Variants in MED24 observed in about 807,000 individuals in gnomAD.
MED24 encodes the protein mediator of RNA polymerase II transcription subunit 24.
A neutral mutation model predicts 118.8 loss-of-function variants in MED24; 74 were observed. That is an observed-to-expected ratio of 0.62 (90% confidence interval 0.52 to 0.76). The LOEUF (loss-of-function observed/expected upper bound fraction) is 0.76, where lower values mean the gene tolerates loss of function less well. Among genes scored for constraint, MED24 ranks in the 30% least tolerant of loss-of-function variants. The pLI is 0.00. For synonymous variants in MED24, 521 were observed against 523.9 expected (o/e 0.99, Z 0.08); for missense variants, 1,041 against 1,278.9 (o/e 0.81, Z 2.84).
At chr17:40,040,298 C>T (rs535082131) in intron 3 of MED24, among the ~76,000 whole-genome samples, 4 of 151,586 alleles carry the variant, frequency 2.6e-5, no homozygotes, top group Admixed American at 2.6e-4. Context: ...AGGCTGGTCT[C>T]GAACTCCTGA....
chr17:40,023,026 AC>A (rs1982222662), intron 20 of MED24, 104 bp downstream of exon 20: 2 of 1,474,320 alleles, frequency 1.4e-6, no homozygotes, highest in Non-Finnish European at 9.2e-7. Context: ...CGGGGAGGCC[AC>A]CTGGCTCACG....
intron 3 of MED24, among the ~76,000 whole-genome samples, chr17:40,038,418 GAAGA>G (rs1230893672): frequency 6.6e-6 from 1 of 152,014 alleles, no homozygotes; most frequent in Non-Finnish European, 1.5e-5. Context: ...AAAGATTTAA[GAAGA>G]AAGCTGTCGG....
chr17:40,053,281 G>C lies in MED24; in HGVS notation c.213+17C>G, dbSNP rs943409235. On this transcript the variant is annotated intron_variant, in intron 3 of 25. Transcript: ENST00000394128. ...CCAGAACTCTCACTTCTTGGTGGGG[G>C]TTTGCGGGAAGCTTACCTGGGAACT... is the stretch of plus-strand genomic sequence containing the variant. 6.3e-7 allele frequency: 1 copy of C among 1,586,934 alleles called. No individual in the cohort carries two copies. Among genetic ancestry groups the C allele is most frequent in the African/African-American group, 1.4e-5 (1 of 73,856 alleles).
intron 3 of MED24, among the ~76,000 whole-genome samples, chr17:40,046,087 AT>A (rs1203333557): frequency 3.0e-3 from 372 of 123,758 alleles, no homozygotes; most frequent in East Asian, 4.9e-3. Flanking sequence ...TCTAAAAAAA[AT>A]TTTTTTTTTT....
Position 40,025,647 on chromosome 17 carries a change from C to T in MED24, c.1985+509G>A, listed in dbSNP as rs183666649. On this transcript the variant is annotated intron_variant, in intron 19 of 25. Coordinates refer to ENST00000394128, the MANE Select transcript of MED24 (RefSeq NM_014815.4). ...ATACTTAACACTACTGAACAGTACACTTAAACATGGCTAAGATGGCAAATC... is the reference window on the plus strand; with the variant it reads ...ATACTTAACACTACTGAACAGTACATTTAAACATGGCTAAGATGGCAAATC... 1.8e-3 allele frequency among the ~76,000 whole-genome samples: 274 copies of T among 152,282 alleles called. 1 individual carries two copies. Among genetic ancestry groups the T allele is most frequent in the East Asian group, 9.6e-4 (5 of 5,186 alleles).
At position 40,031,244 on chromosome 17, in the gene MED24, A is replaced by G. The variant is rs1406072051; in HGVS notation, c.1069T>C (p.Cys357Arg). The G allele has an allele frequency of 1.3e-6, 2 of 1,563,656 alleles. No homozygotes were observed. Among genetic ancestry groups the G allele is most frequent in the South Asian group, 1.2e-5 (1 of 84,862 alleles). The change falls in exon 12 of 26, where the codon TGT (cysteine) becomes CGT (arginine). Residue 357 changes from cysteine (C) to arginine (R), a missense_variant and splice_region_variant. Physicochemically the swap from Cys to Arg is radical, Grantham distance 180 (BLOSUM62 -3). Coordinates refer to ENST00000394128, the MANE Select transcript of MED24 (RefSeq NM_014815.4). ...LLDKADQRCN[C>R]DCTNFLLQEC... Reference sequence around the variant, plus strand: ...TGGAGCAGGAAGTTTGTACAGTCACAGCTGTGAGGGAGAAAGATGCTGAGG... The same window carrying G: ...TGGAGCAGGAAGTTTGTACAGTCACGGCTGTGAGGGAGAAAGATGCTGAGG...
intron 3 of MED24, among the ~76,000 whole-genome samples, chr17:40,051,136 C>CAAAAAAA (rs1224890104): frequency 1.2e-5 from 1 of 81,762 alleles, no homozygotes; most frequent in African/African-American, 4.9e-5. Flanking sequence ...GACTCTGTCT[C>CAAAAAAA]AAAAAAAAAA....
At chr17:40,051,385 G>A (rs1985827474) in intron 3 of MED24, among the ~76,000 whole-genome samples, 1 of 152,042 alleles carries the variant, frequency 6.6e-6, no homozygotes, top group African/African-American at 2.4e-5. Flanking sequence ...GGAGGCCGAG[G>A]CGGAAGGATC....
intron 15 of MED24, 193 bp downstream of exon 15, chr17:40,027,716 G>A (rs1261189916): frequency 2.9e-6 from 2 of 695,548 alleles, no homozygotes; most frequent in East Asian, 2.7e-5. Context: ...AGGAGACACA[G>A]GGATGGTCTG....
In MED24 at chr17:40,053,615, G is replaced by T; in HGVS notation, c.-17C>A. ...CACCTTCATTATTTCACTCTGAGCA[G>T]GTGGCAGCGGTGGCGGCCAGCTTTG... On this transcript the variant is annotated 5_prime_UTR_variant, in exon 2 of 26. It adds an upstream start codon to the 5' untranslated region. Transcript: ENST00000394128. 4.3e-6 allele frequency: 7 copies of T among 1,614,048 alleles called. No individual in the cohort carries two copies. The highest frequency in any genetic ancestry group is 5.9e-6 in the Non-Finnish European group (7 of 1,180,042).
In MED24 at chr17:40,052,675, C is replaced by T. The variant is rs917964163; in HGVS notation, c.213+623G>A. ...GGAGTGCAGTGGCACAATCAGTGCT[C>T]ACTGTAGCCTCAAACTCCTGGGCTC... On this transcript the variant is annotated intron_variant, in intron 3 of 25. Transcript: ENST00000394128. Among the ~76,000 whole-genome samples, 10 of 152,112 alleles carry T rather than the reference C, an allele frequency of 6.6e-5. 1 individual carries two copies. Among genetic ancestry groups the T allele is most frequent in the Non-Finnish European group, 5.9e-5 (4 of 68,036 alleles).
Position 40,031,201 on chromosome 17 carries a change from C to A in MED24, c.1112G>T (p.Gly371Val). Residue 371 changes from glycine to valine, a missense_variant, in exon 12 of 26, where the codon GGG becomes GTG. Gly to Val is a moderately radical substitution (Grantham distance 109). Transcript: ENST00000394128. ...NFLLQECGKQ[G>V]LLSEASVNNL... is the part of the protein sequence containing the mutation. ...GTTGACGCTGGCCTCAGACAGAAGC[C>A]CCTGCTTGCCACATTCTTGGAGCAG... 1 of 1,573,866 alleles carries A rather than the reference C, an allele frequency of 6.4e-7. No individual in the cohort carries two copies. Among genetic ancestry groups the A allele is most frequent in the Non-Finnish European group, 8.6e-7 (1 of 1,158,540 alleles).
intron 3 of MED24, among the ~76,000 whole-genome samples, chr17:40,042,341 C>G (rs1223865519): frequency 6.6e-6 from 1 of 152,092 alleles, no homozygotes; most frequent in Non-Finnish European, 1.5e-5. Flanking sequence ...ACCAAGGTAT[C>G]AAAACATACT....
chr17:40,043,905 C>CAAAAAAAAAAA (rs1555668276), intron 3 of MED24, among the ~76,000 whole-genome samples: 1 of 115,108 alleles, frequency 8.7e-6, no homozygotes, highest in Non-Finnish European at 1.9e-5. Context: ...AAAAAAAAAA[C>CAAAAAAAAAAA]AAAGATTTAA....
At chr17:40,035,577 G>T in intron 5 of MED24, 145 bp downstream of exon 5, 1 of 920,242 alleles carries the variant, frequency 1.1e-6, no homozygotes, top group Non-Finnish European at 1.6e-6. Context: ...AAGAAAAGGA[G>T]GGCACAGGTA....
Position 40,019,502 on chromosome 17 carries a change from GC to G in MED24, c.*26del, listed in dbSNP as rs1180276195. The G allele has an allele frequency of 1.9e-6, 3 of 1,594,050 alleles. No homozygotes were observed. The highest frequency in any genetic ancestry group is 2.2e-5 in the East Asian group (1 of 44,772). On this transcript the variant is annotated 3_prime_UTR_variant, in exon 26 of 26. Coordinates refer to ENST00000394128, the MANE Select transcript of MED24 (RefSeq NM_014815.4). ...GCGCCTGGGGCTGCGCCAGTCCCCAGCCCCCACTGCGGCCATGCCAAGCCCC... is the reference window on the plus strand; with the variant it reads ...GCGCCTGGGGCTGCGCCAGTCCCCAGCCCCACTGCGGCCATGCCAAGCCCC...
intron 3 of MED24, among the ~76,000 whole-genome samples, chr17:40,046,572 C>T (rs1985236929): frequency 6.7e-6 from 1 of 148,574 alleles, no homozygotes; most frequent in African/African-American, 2.5e-5. Context: ...GGTGAAACCC[C>T]GTCTCTACTA....
At chr17:40,022,903 T>G in intron 20 of MED24, 77 bp from the exon 21 acceptor site, 1 of 1,536,772 alleles carries the variant, frequency 6.5e-7, no homozygotes. Context: ...CACCCCAGCA[T>G]GGCTGTCCAG....
chr17:40,022,677 G>C lies in MED24; in HGVS notation c.2400C>G (p.Ser800Arg), dbSNP rs747092370. ...GLLTDSSKWHSLMDPPGTALA... is the reference protein window; with the variant it reads ...GLLTDSSKWHRLMDPPGTALA... ...GAGCAGTGCCCGGGGGGTCCATGAG[G>C]CTGTGCCACTTGGAGGAGTCAGTGA... Residue 800 changes from serine to arginine, a missense_variant, in exon 21 of 26, where the codon AGC (serine) becomes AGG (arginine). Transcript: ENST00000394128. 2 of 1,613,748 alleles carry C rather than the reference G, an allele frequency of 1.2e-6. No individual in the cohort carries two copies. Among genetic ancestry groups the C allele is most frequent in the Non-Finnish European group, 1.7e-6 (2 of 1,179,976 alleles).
Sources: gnomAD v4.1 joint callset for allele counts (sites outside exome capture counted in the v4.1 genomes callset) on GRCh38, gnomAD v4.1.1 for gene constraint, MANE v1.5 for transcripts, NCBI Gene and HGNC (gene_info 2026-07-23, HGNC 2026-07-21) for gene names.